Variants in CCDC146 observed in about 807,000 individuals in gnomAD.
CCDC146 encodes the protein coiled-coil domain-containing protein 146.
A neutral mutation model predicts 119.3 loss-of-function variants in CCDC146; 92 were observed. The ratio of observed to expected loss-of-function variants is 0.77; its 90% CI spans 0.65 to 0.92. CCDC146 has a LOEUF of 0.92. Ranked by LOEUF, CCDC146 falls within the 40% of genes least tolerant of loss-of-function variation. The pLI is 0.00. For synonymous variants in CCDC146, 372 were observed against 371.8 expected (o/e 1.00, Z -0.01); for missense variants, 1,000 against 1,103.0 (o/e 0.91, Z 1.32).
chr7:77,164,566 T>C (rs969403858), intron 1 of CCDC146, among the ~76,000 whole-genome samples: 3 of 152,210 alleles, frequency 2.0e-5, no homozygotes, highest in African/African-American at 7.2e-5. Flanking sequence ...AGTATTGTTG[T>C]AGCAGCAGGA....
intron 2 of CCDC146, among the ~76,000 whole-genome samples, chr7:77,188,863 G>A (rs544380576): frequency 5.3e-4 from 80 of 152,138 alleles, no homozygotes; most frequent in Non-Finnish European, 1.0e-3. Context: ...ACCATAAAGT[G>A]TCACTGGCAC....
rs546798996 is a variant in CCDC146, at chr7:77,219,472, C to T, written c.157-17475C>T. 1.4e-4 allele frequency among the ~76,000 whole-genome samples: 22 copies of T among 152,178 alleles called. No homozygotes were observed. The South Asian group carries it at 2.3e-3, about 16-fold the overall frequency. On this transcript the variant is annotated intron_variant, in intron 2 of 18. Coordinates refer to ENST00000285871, the MANE Select transcript of CCDC146 (RefSeq NM_020879.3). ...TTCCCACCCTTTTCCAAGGAAATTC[C>T]GGGATAATCTGTTATGAAATTATGA... is the stretch of plus-strand genomic sequence containing the variant.
chr7:77,291,187 A>T (rs1428830079), intron 17 of CCDC146, among the ~76,000 whole-genome samples: 1 of 152,184 alleles, frequency 6.6e-6, no homozygotes, highest in Non-Finnish European at 1.5e-5. Context: ...TGAACAAAAA[A>T]TAAGGCAAGG....
intron 2 of CCDC146, among the ~76,000 whole-genome samples, chr7:77,185,220 A>T (rs768655423): frequency 2.0e-5 from 3 of 152,214 alleles, no homozygotes; most frequent in Non-Finnish European, 2.9e-5. Flanking sequence ...CTCAGCAAGT[A>T]ACAGCTGTTT....
intron 1 of CCDC146, among the ~76,000 whole-genome samples, chr7:77,129,550 G>A (rs1790752806): frequency 6.6e-6 from 1 of 152,046 alleles, no homozygotes; most frequent in Non-Finnish European, 1.5e-5. Flanking sequence ...AATTCATAGT[G>A]TATATAGAGT....
At chr7:77,276,049 T>G (rs1434192779) in intron 11 of CCDC146, among the ~76,000 whole-genome samples, 1 of 151,300 alleles carries the variant, frequency 6.6e-6, no homozygotes, top group Non-Finnish European at 1.5e-5. Context: ...TCTACTGAAA[T>G]ACAAAAATTA....
In CCDC146 at chr7:77,145,810, CA is replaced by C. The variant is rs1791008348; in HGVS notation, c.-11-21847del. On this transcript the variant is annotated intron_variant, in intron 1 of 18. Transcript: ENST00000285871. Reference sequence around the variant, plus strand: ...ATTTGTTATAATTTCTGTTCTTTTACATTTGCTGAGGAGTGCTTTACTTCCA... The same window carrying C: ...ATTTGTTATAATTTCTGTTCTTTTACTTTGCTGAGGAGTGCTTTACTTCCA... Among the ~76,000 whole-genome samples, 7 of 152,194 alleles carry C rather than the reference CA, an allele frequency of 4.6e-5. No individual in the cohort carries two copies. The South Asian group carries it at 1.5e-3, about 32-fold the overall frequency.
At chr7:77,134,734 G>C (rs1398248694) in intron 1 of CCDC146, among the ~76,000 whole-genome samples, 1 of 152,148 alleles carries the variant, frequency 6.6e-6, no homozygotes, top group East Asian at 1.9e-4. Flanking sequence ...AGTGTGAGTT[G>C]GGGGTGTGTA....
At position 77,273,828 on chromosome 7, in the gene CCDC146, C is replaced by T. The variant is rs368377768; in HGVS notation, c.1269+39C>T. ...CTCATTTAAGCTTCTATCTAAGAAGCGTTCATACAAAGTTGTGCTTTTAAC... is the reference window on the plus strand; with the variant it reads ...CTCATTTAAGCTTCTATCTAAGAAGTGTTCATACAAAGTTGTGCTTTTAAC... On this transcript the variant is annotated intron_variant, in intron 10 of 18. Transcript: ENST00000285871. 46 of 1,340,880 alleles carry T rather than the reference C, an allele frequency of 3.4e-5. 1 individual carries two copies. Among genetic ancestry groups the T allele is most frequent in the Admixed American group, 2.4e-4 (14 of 58,000 alleles). The allele number at this position is 1,340,880 out of a possible 1,614,324, so 83.1% of individuals were successfully genotyped here.
chr7:77,130,607 T>A (rs1790768419), intron 1 of CCDC146, among the ~76,000 whole-genome samples: 1 of 149,746 alleles, frequency 6.7e-6, no homozygotes, highest in African/African-American at 2.5e-5. Flanking sequence ...CTTTTTTTTT[T>A]TTTTTTTTTG....
chr7:77,180,030 GAAT>G (rs997445707), intron 2 of CCDC146, among the ~76,000 whole-genome samples: 1 of 151,918 alleles, frequency 6.6e-6, no homozygotes, highest in Non-Finnish European at 1.5e-5. Flanking sequence ...TCCTAAGATG[GAAT>G]AATAATTCAT....
At chr7:77,263,355 A>G (rs1793339144) in intron 9 of CCDC146, among the ~76,000 whole-genome samples, 2 of 152,138 alleles carry the variant, frequency 1.3e-5, no homozygotes, top group South Asian at 2.1e-4. Flanking sequence ...GCATGACACC[A>G]TGGAGGTGCT....
At chr7:77,280,778 G>A in intron 14 of CCDC146, 125 bp downstream of exon 14, 2 of 674,514 alleles carry the variant, frequency 3.0e-6, no homozygotes, top group Non-Finnish European at 2.5e-6. Flanking sequence ...AGCCTTTGGA[G>A]AGAAGGGACT....
chr7:77,279,210 G>T, intron 13 of CCDC146, 109 bp downstream of exon 13: 1 of 1,085,148 alleles, frequency 9.2e-7, no homozygotes, highest in Admixed American at 2.8e-5. Context: ...GCTGCAATGA[G>T]CCAAGATGGT....
intron 1 of CCDC146, among the ~76,000 whole-genome samples, chr7:77,163,942 C>A (rs1254528543): frequency 1.3e-5 from 2 of 149,458 alleles, no homozygotes; most frequent in African/African-American, 4.9e-5. Context: ...TCACTGCAAC[C>A]TCCACCTGCG....
At chr7:77,131,253 AAAGTTACCACCCCC>A (rs1485904469) in intron 1 of CCDC146, among the ~76,000 whole-genome samples, 2 of 151,960 alleles carry the variant, frequency 1.3e-5, no homozygotes, top group Non-Finnish European at 2.9e-5. Flanking sequence ...TTTCAAAGGA[AAAGTTACCACCCCC>A]AAATTATCAA....
At chr7:77,273,664 A>C in intron 9 of CCDC146, 30 bp from the exon 10 acceptor site, 29 of 1,469,236 alleles carry the variant, frequency 2.0e-5, no homozygotes, top group Non-Finnish European at 2.6e-5. Context: ...TTTCTTACAT[A>C]AATGCATGTT....
At chr7:77,202,275 A>G (rs563051006) in intron 2 of CCDC146, among the ~76,000 whole-genome samples, 1 of 152,352 alleles carries the variant, frequency 6.6e-6, no homozygotes, top group African/African-American at 2.4e-5. Context: ...GGCATTAAAG[A>G]CCTGGTATTT....
rs971638476 is a variant in CCDC146 at position 77,175,442 on chromosome 7, G to A, written c.156+7618G>A. On this transcript the variant is annotated intron_variant, in intron 2 of 18. Transcript: ENST00000285871. ...GGAAACACCGAGGAAGTAAAACTAC[G>A]AATCAAAATAGAATATGAAACTAAA... Among the ~76,000 whole-genome samples the A allele has an allele frequency of 3.3e-5, 5 of 149,730 alleles. 1 individual carries two copies. The highest frequency in any genetic ancestry group is 2.6e-4 in the Admixed American group (4 of 15,140).
Sources: gnomAD v4.1 joint callset for allele counts (sites outside exome capture counted in the v4.1 genomes callset) on GRCh38, gnomAD v4.1.1 for gene constraint, MANE v1.5 for transcripts, NCBI Gene and HGNC (gene_info 2026-07-23, HGNC 2026-07-21) for gene names.